COL4A4: variants seen among roughly 807,000 people sequenced by gnomAD.
The protein encoded by COL4A4 is collagen type IV alpha 4 chain.
Under a neutral mutation model 192.9 loss-of-function variants are expected in COL4A4, and 105 were observed. That is an observed-to-expected ratio of 0.54 (90% confidence interval 0.46 to 0.64). COL4A4 has a LOEUF of 0.64. Among genes scored for constraint, COL4A4 ranks in the 30% least tolerant of loss-of-function variants. The probability of loss-of-function intolerance (pLI) is 0.00; values close to 1 mark genes in which losing one functional copy is unlikely to be tolerated. For missense variants in COL4A4, 1,967 were observed against 2,169.3 expected, an observed-to-expected ratio of 0.91 and a Z score of 1.85; for synonymous variants, 762 against 769.9, an observed-to-expected ratio of 0.99 and a Z score of 0.17.
At chr2:227,161,863 A>G (rs2064861805) in intron 1 of COL4A4, among the ~76,000 whole-genome samples, 1 of 152,012 alleles carries the variant, frequency 6.6e-6, no homozygotes. Context: ...CAGCCATTTT[A>G]GTACTGAGCT....
Position 227,103,952 on chromosome 2 carries a change from C to T in COL4A4, c.816+20G>A, listed in dbSNP as rs754704358. On this transcript the variant is annotated intron_variant, in intron 13 of 47. Coordinates refer to ENST00000396625, the MANE Select transcript of COL4A4 (RefSeq NM_000092.5). ...TTTCTACTGCTACTTTCCAAGGTGACATATGGATTTGGGAATTACCTTTTC... is the reference window on the plus strand; with the variant it reads ...TTTCTACTGCTACTTTCCAAGGTGATATATGGATTTGGGAATTACCTTTTC... The T allele has an allele frequency of 6.9e-6, 11 of 1,582,990 alleles. No homozygotes were observed. Among genetic ancestry groups the T allele is most frequent in the Admixed American group, 1.7e-5 (1 of 59,932 alleles).
At chr2:226,986,074 C>T in the COL4A4 span, among the ~76,000 whole-genome samples, 6 of 152,188 alleles carry the variant, frequency 3.9e-5, no homozygotes, top group Non-Finnish European at 8.8e-5. Context: ...TATTCTTCAC[C>T]AAAACCCATA....
At chr2:227,128,398 C>T (rs1219728420) in intron 4 of COL4A4, among the ~76,000 whole-genome samples, 1 of 152,214 alleles carries the variant, frequency 6.6e-6, no homozygotes, top group Non-Finnish European at 1.5e-5. Context: ...TTGAATACCT[C>T]TATTTTTTGT....
intron 6 of COL4A4, among the ~76,000 whole-genome samples, chr2:227,119,631 C>T (rs918631150): frequency 1.1e-4 from 16 of 148,014 alleles, no homozygotes; most frequent in Admixed American, 4.7e-4. Flanking sequence ...CAGCAAAAAC[C>T]GCAATTACTT....
chr2:227,034,097 C>T (rs941839397), intron 37 of COL4A4, among the ~76,000 whole-genome samples: 1 of 152,198 alleles, frequency 6.6e-6, no homozygotes, highest in African/African-American at 2.4e-5. Context: ...GTTTATTTTG[C>T]GATGATCACT....
chr2:226,993,985 C>T, the COL4A4 span, among the ~76,000 whole-genome samples: 2 of 152,138 alleles, frequency 1.3e-5, no homozygotes, highest in Non-Finnish European at 2.9e-5. Flanking sequence ...CTGTGCTTTG[C>T]CCACCCTCCC....
intron 17 of COL4A4, among the ~76,000 whole-genome samples, chr2:227,100,559 T>C (rs1001649289): frequency 6.6e-6 from 1 of 152,132 alleles, no homozygotes; most frequent in African/African-American, 2.4e-5. Context: ...AAATATAAGA[T>C]ATGGCGTGTG....
intron 26 of COL4A4, among the ~76,000 whole-genome samples, chr2:227,060,902 T>C (rs1486210074): frequency 6.6e-6 from 1 of 152,046 alleles, no homozygotes; most frequent in Non-Finnish European, 1.5e-5. Context: ...TAATTTTTTA[T>C]GTTTTTAGTA....
intron 12 of COL4A4, among the ~76,000 whole-genome samples, chr2:227,107,920 G>T (rs1368056753): frequency 2.6e-5 from 4 of 151,962 alleles, no homozygotes; most frequent in African/African-American, 9.7e-5. Flanking sequence ...ACCACGCCCA[G>T]CTAATTTTTG....
intron 4 of COL4A4, among the ~76,000 whole-genome samples, chr2:227,132,441 A>G (rs958652284): frequency 6.6e-6 from 1 of 152,150 alleles, no homozygotes; most frequent in Non-Finnish European, 1.5e-5. Flanking sequence ...GAATGAATGG[A>G]AAGCTATTAT....
At chr2:227,088,365 G>T (rs1244794882) in intron 22 of COL4A4, among the ~76,000 whole-genome samples, 1 of 152,090 alleles carries the variant, frequency 6.6e-6, no homozygotes, top group East Asian at 1.9e-4. Context: ...TTTCCCCCAT[G>T]CTGTTCTCAC....
At position 227,109,231 on chromosome 2, in the gene COL4A4, C is replaced by CCTGG; in HGVS notation, c.646_649dup (p.Gly217AlafsTer32). 1 of 1,613,938 alleles carries CCTGG rather than the reference C, an allele frequency of 6.2e-7. No homozygotes were observed. The highest frequency in any genetic ancestry group is 8.5e-7 in the Non-Finnish European group (1 of 1,179,794). ...CAGCAGTGCTGTACTTACCACTAAC[C>CCTGG]CTGGCTCTCCAGGATATCCTGTGGG... On this transcript the variant is annotated frameshift_variant, in exon 10 of 48. Coordinates refer to ENST00000396625, the MANE Select transcript of COL4A4 (RefSeq NM_000092.5). LOFTEE classifies it high-confidence loss of function.
rs1276190869 is a variant in COL4A4, at chr2:227,123,033, T to C, written c.193-1885A>G. ...TTGCATGCCACCACACCTGGCTAAT[T>C]TTTGTATTTTTAGTAGAGACTGGGT... On this transcript the variant is annotated intron_variant, in intron 4 of 47. Coordinates refer to ENST00000396625, the MANE Select transcript of COL4A4 (RefSeq NM_000092.5). The surrounding 1 kb of genome is among the most constrained non-coding windows in gnomAD (Gnocchi z 4.6). 6.6e-6 allele frequency among the ~76,000 whole-genome samples: 1 copy of C among 151,966 alleles called. No homozygotes were observed. Among genetic ancestry groups the C allele is most frequent in the African/African-American group, 2.4e-5 (1 of 41,398 alleles).
Position 227,101,905 on chromosome 2 carries a change from T to C in COL4A4, c.935A>G (p.Asp312Gly). 3 of 1,597,130 alleles carry C rather than the reference T, an allele frequency of 1.9e-6. No homozygotes were observed. The highest frequency in any genetic ancestry group is 2.6e-6 in the Non-Finnish European group (3 of 1,168,552). Residue 312 changes from aspartate to glycine, a missense_variant, in exon 16 of 48, where the codon GAT (aspartate) becomes GGT (glycine). Asp to Gly is a moderately conservative substitution (Grantham distance 94, BLOSUM62 -1). Coordinates refer to ENST00000396625, the MANE Select transcript of COL4A4 (RefSeq NM_000092.5). ...GIPGFPGPRG[D>G]PGSYGSPGFP... ...ACCTGGAGATCCATAGGAACCAGGA[T>C]CCCCCTAATAAATTCACAAAAATCA...
chr2:227,092,879 A>G (rs1036812143), intron 20 of COL4A4, among the ~76,000 whole-genome samples: 7 of 152,232 alleles, frequency 4.6e-5, no homozygotes, highest in Admixed American at 2.6e-4. Context: ...GGAAAGTCAA[A>G]AGATAATGCT....
Position 227,107,998 on chromosome 2 carries a change from C to T in COL4A4, c.735+583G>A, listed in dbSNP as rs192868813. ...GTCTCAGTCTCTTGACCTCATGATC[C>T]ACCCGCCTCAGCCTCCCAAAGTGCT... On this transcript the variant is annotated intron_variant, in intron 12 of 47. Coordinates refer to ENST00000396625, the MANE Select transcript of COL4A4 (RefSeq NM_000092.5). Among the ~76,000 whole-genome samples the T allele has an allele frequency of 5.4e-4, 82 of 152,192 alleles. 1 individual carries two copies. In the East Asian group the frequency reaches 0.016, roughly 29 times the overall value.
rs1640303515 is a variant in COL4A4 at position 227,121,013 on chromosome 2, C to T, written c.327+1G>A. The T allele has an allele frequency of 3.7e-6, 6 of 1,613,924 alleles. No homozygotes were observed. Among genetic ancestry groups the T allele is most frequent in the Non-Finnish European group, 5.1e-6 (6 of 1,179,978 alleles). On this transcript the variant is annotated splice_donor_variant, in intron 5 of 47. Transcript: ENST00000396625. LOFTEE classifies it high-confidence loss of function. ...GAATCTCCACATAAGATGTGGCTTA[C>T]CTTATCTCCTTTGTCCCCTGCTGCT... is the stretch of plus-strand genomic sequence containing the variant.
chr2:227,117,356 G>T (rs2061543055), intron 7 of COL4A4, among the ~76,000 whole-genome samples: 1 of 152,186 alleles, frequency 6.6e-6, no homozygotes, highest in African/African-American at 2.4e-5. Flanking sequence ...CTTAATAAAT[G>T]TGCATTCACC....
At chr2:227,155,867 A>G (rs2064297676) in intron 1 of COL4A4, among the ~76,000 whole-genome samples, 1 of 152,166 alleles carries the variant, frequency 6.6e-6, no homozygotes, top group Admixed American at 6.5e-5. Context: ...GTAATTAATT[A>G]ATTATGCAAC....
Sources: gnomAD v4.1 joint callset for allele counts (sites outside exome capture counted in the v4.1 genomes callset) on GRCh38, gnomAD v4.1.1 for gene constraint, Gnocchi (gnomAD v3.1) non-coding constraint, MANE v1.5 for transcripts, NCBI Gene and HGNC (gene_info 2026-07-23, HGNC 2026-07-21) for gene names.